Variants in CEP78 observed in about 807,000 individuals in gnomAD.
The protein encoded by CEP78 is centrosomal protein of 78 kDa.
Under a neutral mutation model 81.2 loss-of-function variants are expected in CEP78, and 76 were observed. The ratio of observed to expected loss-of-function variants is 0.94; its 90% CI spans 0.78 to 1.13. The LOEUF (loss-of-function observed/expected upper bound fraction) is 1.13, where lower values mean the gene tolerates loss of function less well. CEP78 is among the 50% of genes most tolerant of loss of function. CEP78 has a pLI of 0.00. For missense variants in CEP78, 918 were observed against 846.8 expected, an observed-to-expected ratio of 1.08 and a Z score of -1.04; for synonymous variants, 293 against 301.4, an observed-to-expected ratio of 0.97 and a Z score of 0.29.
At chr9:78,269,679 G>C (rs1029342391) in intron 16 of CEP78, among the ~76,000 whole-genome samples, 3 of 152,174 alleles carry the variant, frequency 2.0e-5, no homozygotes, top group African/African-American at 7.2e-5. Flanking sequence ...TGAATTGGTT[G>C]ATGAAAATGC....
In CEP78 at chr9:78,248,828, A is replaced by G. The variant is rs765160106; in HGVS notation, c.1024A>G (p.Ile342Val). 2.5e-6 allele frequency: 4 copies of G among 1,598,222 alleles called. No individual in the cohort carries two copies. The highest frequency in any genetic ancestry group is 1.1e-5 in the South Asian group (1 of 87,882). The change falls in exon 8 of 17, where the codon ATA becomes GTA. Residue 342 changes from isoleucine to valine, a missense_variant. Coordinates refer to ENST00000643273, the MANE Select transcript of CEP78 (RefSeq NM_001330691.3). Reference protein sequence around the residue: ...SKTAKQKRRTIILGSGHKGKA... With the variant: ...SKTAKQKRRTVILGSGHKGKA... The stretch of plus-strand genomic sequence containing the variant: ...AACTGCTAAACAGAAAAGGAGAACT[A>G]TAATTCTAGGAAGTGGTCACAAAGG...
At position 78,276,308 on chromosome 9, in the gene CEP78, A is replaced by G. The variant is rs541497098; in HGVS notation, c.*5457A>G. 2.0e-5 allele frequency: 3 copies of G among 152,300 alleles called. No individual in the cohort carries two copies. Among genetic ancestry groups the G allele is most frequent in the African/African-American group, 7.2e-5 (3 of 41,576 alleles). 9.4% of individuals were successfully genotyped at this position (152,300 alleles called of 1,614,324 possible). On this transcript the variant is annotated 3_prime_UTR_variant, in exon 17 of 17. Coordinates refer to ENST00000643273, the MANE Select transcript of CEP78 (RefSeq NM_001330691.3). ...TGAAAGAGTATGTGATAAATTCAAC[A>G]TCCTCTGGTATTCTTAACAATCTCG...
intron 5 of CEP78, among the ~76,000 whole-genome samples, chr9:78,245,642 C>G (rs12551520): frequency 1.3e-5 from 2 of 151,978 alleles, no homozygotes; most frequent in Non-Finnish European, 2.9e-5. Flanking sequence ...TTTTTTATGC[C>G]TGTACTTTTG....
rs373622498 is a variant in CEP78 at position 78,236,603 on chromosome 9, G to A, written c.253G>A (p.Gly85Ser). 9 of 1,530,816 alleles carry A rather than the reference G, an allele frequency of 5.9e-6. No homozygotes were observed. The highest frequency in any genetic ancestry group is 7.9e-6 in the Non-Finnish European group (9 of 1,141,402). The allele number at this position is 1,530,816 out of a possible 1,614,324, so 94.8% of individuals were successfully genotyped here. Reference protein sequence around the residue: ...SFFQPWLGDTGSDMNKFCRSR... With the variant: ...SFFQPWLGDTSSDMNKFCRSR... ...CTTCCAGCCCTGGCTGGGGGACACA[G>A]GTTTGTAGTTCCCGCCTCCAGGGCC... Residue 85 changes from glycine to serine, a missense_variant and splice_region_variant, in exon 1 of 17, where the codon GGT becomes AGT. Physicochemically the swap from Gly to Ser is moderately conservative, Grantham distance 56. Transcript: ENST00000643273.
Position 78,236,242 on chromosome 9 carries a change from G to C in CEP78, c.-109G>C, listed in dbSNP as rs942527547. 3 of 957,544 alleles carry C rather than the reference G, an allele frequency of 3.1e-6. No individual in the cohort carries two copies. The highest frequency in any genetic ancestry group is 1.5e-6 in the Non-Finnish European group (1 of 659,724). 59.3% of individuals were successfully genotyped at this position (957,544 alleles called of 1,614,324 possible). ...CTCCTGAGCCCGGTGCGGGGCTGCC[G>C]CTATCGCCTGGCCGTGGGTGCCGGA... On this transcript the variant is annotated 5_prime_UTR_variant, in exon 1 of 17. Coordinates refer to ENST00000643273, the MANE Select transcript of CEP78 (RefSeq NM_001330691.3).
In CEP78 at chr9:78,276,172, T is replaced by A. The variant is rs1827799830; in HGVS notation, c.*5321T>A. 6.6e-6 allele frequency: 1 copy of A among 152,156 alleles called. No homozygotes were observed. Among genetic ancestry groups the A allele is most frequent in the Non-Finnish European group, 1.5e-5 (1 of 68,028 alleles). The allele number at this position is 152,156 out of a possible 1,614,324, so 9.4% of individuals were successfully genotyped here. On this transcript the variant is annotated 3_prime_UTR_variant, in exon 17 of 17. Transcript: ENST00000643273. ...TTGAATTCAGCATTGTAGCAAAAGA[T>A]ATATCATTTTCAAGGAAGATTTGTA...
chr9:78,264,511 A>G (rs558568201), intron 13 of CEP78, among the ~76,000 whole-genome samples, 195 bp downstream of exon 13: 2 of 152,050 alleles, frequency 1.3e-5, no homozygotes, highest in South Asian at 2.1e-4. Context: ...TGAGGGCCCA[A>G]TATGAAAGAG....
At chr9:78,236,824 C>T (rs1183478139) in intron 1 of CEP78, among the ~76,000 whole-genome samples, 2 of 152,110 alleles carry the variant, frequency 1.3e-5, no homozygotes, top group East Asian at 3.9e-4. Flanking sequence ...GCAAGGATTC[C>T]CTGCGCTGCT....
In CEP78 at chr9:78,276,161, G is replaced by C. The variant is rs1827799510; in HGVS notation, c.*5310G>C. On this transcript the variant is annotated 3_prime_UTR_variant, in exon 17 of 17. Coordinates refer to ENST00000643273, the MANE Select transcript of CEP78 (RefSeq NM_001330691.3). ...AAACTAGCAGTTTGAATTCAGCATTGTAGCAAAAGATATATCATTTTCAAG... is the reference window on the plus strand; with the variant it reads ...AAACTAGCAGTTTGAATTCAGCATTCTAGCAAAAGATATATCATTTTCAAG... The C allele has an allele frequency of 6.6e-6, 1 of 152,304 alleles. No homozygotes were observed. The highest frequency in any genetic ancestry group is 2.4e-5 in the African/African-American group (1 of 41,564). The allele number at this position is 152,304 out of a possible 1,614,324, so 9.4% of individuals were successfully genotyped here. A position where few individuals can be genotyped will look rare whatever the true frequency, so the allele number is the denominator to read the frequency against.
intron 7 of CEP78, 111 bp downstream of exon 7, chr9:78,248,466 C>T (rs1429035801): frequency 1.4e-6 from 1 of 717,302 alleles, no homozygotes; most frequent in African/African-American, 1.8e-5. Context: ...AGTGATCTTC[C>T]CCCTTCCCAG....
intron 3 of CEP78, among the ~76,000 whole-genome samples, chr9:78,241,287 C>A (rs1376968522): frequency 6.6e-6 from 1 of 152,160 alleles, no homozygotes; most frequent in Admixed American, 6.5e-5. Context: ...TCTAGTATAA[C>A]ACCTAATAAA....
At chr9:78,252,596 A>C (rs1826818607) in intron 9 of CEP78, among the ~76,000 whole-genome samples, 1 of 152,234 alleles carries the variant, frequency 6.6e-6, no homozygotes, top group Non-Finnish European at 1.5e-5. Flanking sequence ...TATGCTTAAT[A>C]AATGAATTAG....
Position 78,236,518 on chromosome 9 carries a change from G to C in CEP78, c.168G>C (p.Ala56=). The part of the protein sequence containing the change: ...NADRLRGVDW[A]PLLSTLKINK... ...ACCGCCTCCGCGGGGTGGACTGGGC[G>C]CCTCTGCTGAGCACCCTCAAGATCA... The change falls in exon 1 of 17, where the codon GCG becomes GCC. Residue 56 remains alanine (A), a synonymous_variant. Coordinates refer to ENST00000643273, the MANE Select transcript of CEP78 (RefSeq NM_001330691.3). The C allele has an allele frequency of 1.2e-6, 2 of 1,603,044 alleles. No homozygotes were observed. The highest frequency in any genetic ancestry group is 1.7e-6 in the Non-Finnish European group (2 of 1,174,844).
chr9:78,242,938 C>T (rs1190779324), intron 4 of CEP78, among the ~76,000 whole-genome samples: 1 of 152,016 alleles, frequency 6.6e-6, no homozygotes, highest in East Asian at 1.9e-4. Context: ...AAATATTAAC[C>T]TCTATATTTT....
intron 15 of CEP78, among the ~76,000 whole-genome samples, 164 bp downstream of exon 15, chr9:78,266,070 A>G (rs1827514583): frequency 1.3e-5 from 2 of 152,190 alleles, no homozygotes; most frequent in East Asian, 3.9e-4. Context: ...CCCATCTGCC[A>G]TCTCAGCCAG....
intron 7 of CEP78, 118 bp downstream of exon 7, chr9:78,248,473 C>T (rs970553096): frequency 2.9e-6 from 2 of 699,998 alleles, no homozygotes; most frequent in African/African-American, 3.6e-5. Flanking sequence ...TTCCCCCTTC[C>T]CAGCTTCCTA....
intron 1 of CEP78, among the ~76,000 whole-genome samples, chr9:78,237,713 A>G (rs1415913379): frequency 6.6e-6 from 1 of 152,120 alleles, no homozygotes; most frequent in East Asian, 1.9e-4. Context: ...ATGAGATGGA[A>G]TTTCCGTAGG....
In CEP78 at chr9:78,263,001, T is replaced by C; in HGVS notation, c.1458+17T>C. On this transcript the variant is annotated intron_variant, in intron 12 of 16. Coordinates refer to ENST00000643273, the MANE Select transcript of CEP78 (RefSeq NM_001330691.3). ...GTCAGTGAGGTAAATAAAAGTTTTC[T>C]TACCTTTTGAGAGTTTTTTGTTTTG... The C allele has an allele frequency of 1.3e-6, 2 of 1,498,962 alleles. No individual in the cohort carries two copies. Among genetic ancestry groups the C allele is most frequent in the African/African-American group, 1.4e-5 (1 of 71,420 alleles). 92.9% of individuals were successfully genotyped at this position (1,498,962 alleles called of 1,614,324 possible). A position where few individuals can be genotyped will look rare whatever the true frequency, so the allele number is the denominator to read the frequency against.
rs1264755531 is a variant in CEP78, at chr9:78,277,270, A to G, written c.*6419A>G. 2 of 152,138 alleles carry G rather than the reference A, an allele frequency of 1.3e-5. No individual in the cohort carries two copies. The highest frequency in any genetic ancestry group is 1.9e-4 in the East Asian group (1 of 5,200). The allele number at this position is 152,138 out of a possible 1,614,324, so 9.4% of individuals were successfully genotyped here. A position where few individuals can be genotyped will look rare whatever the true frequency, so the allele number is the denominator to read the frequency against. On this transcript the variant is annotated 3_prime_UTR_variant, in exon 17 of 17. Coordinates refer to ENST00000643273, the MANE Select transcript of CEP78 (RefSeq NM_001330691.3). ...TCCCAACCAAGACACAAAACCCAGT[A>G]GCCATGAAAAAAAAGATAGATTTGA...
Sources: gnomAD v4.1 joint callset for allele counts (sites outside exome capture counted in the v4.1 genomes callset) on GRCh38, gnomAD v4.1.1 for gene constraint, MANE v1.5 for transcripts, NCBI Gene and HGNC (gene_info 2026-07-23, HGNC 2026-07-21) for gene names.